Variants in ZBTB20 observed in about 807,000 individuals in gnomAD.
ZBTB20 encodes zinc finger and BTB domain-containing protein 20.
ZBTB20 carries 9 observed loss-of-function variants against 56.9 expected under a neutral mutation model. The ratio of observed to expected loss-of-function variants is 0.16; its 90% CI spans 0.10 to 0.28. The LOEUF is 0.28. Ranked by LOEUF, ZBTB20 falls within the 10% of genes least tolerant of loss-of-function variation. The pLI, the probability that ZBTB20 is intolerant of heterozygous loss-of-function variation, is 1.00. For missense variants in ZBTB20, 655 were observed against 1,003.0 expected, an observed-to-expected ratio of 0.65 and a Z score of 4.69; for synonymous variants, 417 against 420.7, an observed-to-expected ratio of 0.99 and a Z score of 0.11.
At chr3:114,872,609 C>T (rs2076053393) in intron 4 of ZBTB20, among the ~76,000 whole-genome samples, 1 of 148,800 alleles carries the variant, frequency 6.7e-6, no homozygotes, top group South Asian at 2.1e-4. Context: ...TTTTTGGTAA[C>T]AAGAGTCATG....
chr3:114,935,399 C>T (rs866656876), intron 3 of ZBTB20, among the ~76,000 whole-genome samples: 38 of 152,242 alleles, frequency 2.5e-4, no homozygotes, highest in Middle Eastern at 3.4e-3. Context: ...AAATTCCACT[C>T]CAATTATTTT....
chr3:114,806,849 A>G (rs1011760877), intron 4 of ZBTB20, among the ~76,000 whole-genome samples: 3 of 151,992 alleles, frequency 2.0e-5, no homozygotes, highest in Admixed American at 2.0e-4. Context: ...AGCATCAATT[A>G]CAGAGCACTG....
At chr3:114,696,372 C>T (rs968230088) in intron 5 of ZBTB20, among the ~76,000 whole-genome samples, 1 of 152,012 alleles carries the variant, frequency 6.6e-6, no homozygotes, top group Non-Finnish European at 1.5e-5. Context: ...TTCCTCCTCA[C>T]ACACTAATGA....
At chr3:114,729,716 T>C (rs1338140104) in intron 5 of ZBTB20, among the ~76,000 whole-genome samples, 1 of 152,162 alleles carries the variant, frequency 6.6e-6, no homozygotes, top group Non-Finnish European at 1.5e-5. Flanking sequence ...AGAAAATTGC[T>C]TTATATCCTT....
chr3:114,645,043 A>G (rs892612362), intron 6 of ZBTB20, among the ~76,000 whole-genome samples: 27 of 152,144 alleles, frequency 1.8e-4, no homozygotes, highest in Middle Eastern at 3.4e-3. Flanking sequence ...TTAATATAAT[A>G]TAGTTTATTG....
intron 6 of ZBTB20, among the ~76,000 whole-genome samples, chr3:114,681,376 G>T (rs2061964872): frequency 6.6e-6 from 1 of 151,816 alleles, no homozygotes; most frequent in South Asian, 2.1e-4. Context: ...GGCTAGGCTG[G>T]TCTCAAACTC....
intron 6 of ZBTB20, among the ~76,000 whole-genome samples, chr3:114,566,235 C>T (rs538173032): frequency 7.2e-5 from 11 of 152,220 alleles, no homozygotes; most frequent in African/African-American, 2.6e-4. Flanking sequence ...AATTGAAACA[C>T]GGAAGCTTGA....
At chr3:114,697,515 G>C (rs1341222655) in intron 5 of ZBTB20, among the ~76,000 whole-genome samples, 1 of 151,908 alleles carries the variant, frequency 6.6e-6, no homozygotes, top group East Asian at 1.9e-4. Context: ...AAAAAAAACT[G>C]TAAGTTTCCC....
chr3:114,507,077 A>AGCACCAG (rs2044708573), intron 6 of ZBTB20, among the ~76,000 whole-genome samples: 2 of 152,216 alleles, frequency 1.3e-5, no homozygotes, highest in Admixed American at 1.3e-4. Flanking sequence ...GAGGTCAAGG[A>AGCACCAG]AAAGTTAATT....
intron 6 of ZBTB20, among the ~76,000 whole-genome samples, chr3:114,589,410 T>C (rs1055275243): frequency 6.6e-6 from 1 of 152,126 alleles, no homozygotes; most frequent in Non-Finnish European, 1.5e-5. Context: ...TCACACCCAT[T>C]TCTCATTTCC....
At chr3:114,890,383 T>A (rs2076760944) in intron 4 of ZBTB20, among the ~76,000 whole-genome samples, 1 of 152,210 alleles carries the variant, frequency 6.6e-6, no homozygotes. Context: ...TGTATGTGAA[T>A]GAAAACAATA....
rs1001198859 is a variant in ZBTB20 at position 114,822,474 on chromosome 3, C to T, written c.-416-21300G>A. On this transcript the variant is annotated intron_variant, in intron 4 of 11. Transcript: ENST00000675478. ...GGAAATGCCGCTAGTTCCAATCCAA[C>T]TCAATTTAATAGGATGATACAATGA... is the stretch of plus-strand genomic sequence containing the variant. 6.9e-4 allele frequency among the ~76,000 whole-genome samples: 105 copies of T among 151,932 alleles called. 1 individual carries two copies. Among genetic ancestry groups the T allele is most frequent in the African/African-American group, 2.4e-3 (101 of 41,352 alleles).
intron 2 of ZBTB20, among the ~76,000 whole-genome samples, chr3:114,993,041 C>A (rs866734002): frequency 6.6e-6 from 1 of 151,934 alleles, no homozygotes; most frequent in African/African-American, 2.4e-5. Context: ...ACCATAGGAT[C>A]AAAAACTGAT....
intron 6 of ZBTB20, among the ~76,000 whole-genome samples, chr3:114,577,786 G>A (rs1454632001): frequency 6.6e-6 from 1 of 152,212 alleles, no homozygotes; most frequent in African/African-American, 2.4e-5. Context: ...ACAGCATTAT[G>A]ATAAAATATT....
At chr3:114,810,835 G>A (rs1228859450) in intron 4 of ZBTB20, among the ~76,000 whole-genome samples, 1 of 152,144 alleles carries the variant, frequency 6.6e-6, no homozygotes, top group Non-Finnish European at 1.5e-5. Context: ...GCCATTGAAT[G>A]AACGTTTTCA....
chr3:114,996,742 A>T (rs2079044278), intron 2 of ZBTB20, among the ~76,000 whole-genome samples: 1 of 151,934 alleles, frequency 6.6e-6, no homozygotes, highest in African/African-American at 2.4e-5. Context: ...TATACCCAGT[A>T]ATGGGATTCC....
chr3:114,810,184 G>T (rs2072416075), intron 4 of ZBTB20, among the ~76,000 whole-genome samples: 1 of 152,116 alleles, frequency 6.6e-6, no homozygotes, highest in Non-Finnish European at 1.5e-5. Flanking sequence ...CTCTCTGTGT[G>T]TCCAAAGCCT....
chr3:114,892,169 A>T (rs1192494475), intron 4 of ZBTB20, among the ~76,000 whole-genome samples: 1 of 152,214 alleles, frequency 6.6e-6, no homozygotes, highest in African/African-American at 2.4e-5. Flanking sequence ...GTGTTGAAGA[A>T]ATCCACAGTG....
At chr3:115,094,376 T>A (rs2083303895) in intron 1 of ZBTB20, among the ~76,000 whole-genome samples, 1 of 152,068 alleles carries the variant, frequency 6.6e-6, no homozygotes, top group African/African-American at 2.4e-5. Flanking sequence ...CTAGTCTATT[T>A]AAATAATAAA....
Sources: gnomAD v4.1 joint callset for allele counts (sites outside exome capture counted in the v4.1 genomes callset) on GRCh38, gnomAD v4.1.1 for gene constraint, MANE v1.5 for transcripts, NCBI Gene and HGNC (gene_info 2026-07-23, HGNC 2026-07-21) for gene names.